DAB1: variants seen among roughly 807,000 people sequenced by gnomAD.
DAB1 encodes DAB adaptor protein 1.
In DAB1, 15 loss-of-function variants were observed where a neutral mutation model predicts 64.6. The observed-to-expected ratio is 0.23, with a 90% CI of 0.16 to 0.36. The LOEUF is 0.36. Ranked by LOEUF, DAB1 falls within the 10% of genes least tolerant of loss-of-function variation. The pLI is 1.00. For missense variants in DAB1, 596 were observed against 706.7 expected (o/e 0.84, Z 1.78); for synonymous variants, 235 against 251.9 (o/e 0.93, Z 0.64).
intron 3 of DAB1, among the ~76,000 whole-genome samples, chr1:58,495,414 TATAATA>T (rs903443511): frequency 3.0e-4 from 46 of 151,944 alleles, no homozygotes; most frequent in Non-Finnish European, 6.3e-4. Flanking sequence ...AAACTTAAAG[TATAATA>T]ATAATAATAA....
chr1:58,025,117 T>TCACACA (rs144729175), intron 5 of DAB1, among the ~76,000 whole-genome samples: 6 of 148,960 alleles, frequency 4.0e-5, no homozygotes, highest in Admixed American at 6.7e-5. Flanking sequence ...TTTCACACAC[T>TCACACA]CACACACACA....
At chr1:57,271,428 C>T (rs1670990616) in intron 2 of DAB1, among the ~76,000 whole-genome samples, 1 of 152,188 alleles carries the variant, frequency 6.6e-6, no homozygotes. Context: ...AAGTACTTCT[C>T]ATTGTGTGGT....
At chr1:57,966,485 C>T (rs1328291837) in intron 5 of DAB1, among the ~76,000 whole-genome samples, 2 of 152,172 alleles carry the variant, frequency 1.3e-5, no homozygotes, top group Non-Finnish European at 2.9e-5. Context: ...GTGAGTGAAA[C>T]TATCGTTGGA....
At chr1:57,300,453 G>A (rs1673551697) in intron 1 of DAB1, among the ~76,000 whole-genome samples, 1 of 152,178 alleles carries the variant, frequency 6.6e-6, no homozygotes, top group Non-Finnish European at 1.5e-5. Context: ...TCCAAGAAGA[G>A]GAGATCCTTG....
At chr1:58,245,999 C>T (rs972590200) in intron 4 of DAB1, among the ~76,000 whole-genome samples, 3 of 151,968 alleles carry the variant, frequency 2.0e-5, no homozygotes, top group Admixed American at 1.3e-4. Flanking sequence ...AGGAGCAATG[C>T]CAATGTTTAG....
At chr1:58,526,601 C>CAAAAAAAAA (rs10574530) in intron 2 of DAB1, among the ~76,000 whole-genome samples, 1 of 121,408 alleles carries the variant, frequency 8.2e-6, no homozygotes. Flanking sequence ...CTATGGCTAG[C>CAAAAAAAAA]AAAAAAAAAA....
intron 2 of DAB1, among the ~76,000 whole-genome samples, chr1:57,223,047 C>T (rs561300061): frequency 1.3e-5 from 2 of 152,296 alleles, no homozygotes; most frequent in Admixed American, 1.3e-4. Flanking sequence ...GCTGACACTT[C>T]TCCTGTCCTT....
intron 6 of DAB1, among the ~76,000 whole-genome samples, chr1:57,804,948 C>T (rs1026214479): frequency 1.2e-4 from 18 of 152,164 alleles, no homozygotes; most frequent in South Asian, 6.2e-4. Context: ...CACAGCCTCT[C>T]GGGTGGAGGA....
chr1:57,374,382 T>C (rs1570397518), intron 1 of DAB1, among the ~76,000 whole-genome samples: 1 of 152,350 alleles, frequency 6.6e-6, no homozygotes, highest in Admixed American at 6.5e-5. Context: ...TATTAATTTC[T>C]TTTAAACTTT....
At chr1:57,992,964 T>C (rs1570187382) in intron 5 of DAB1, among the ~76,000 whole-genome samples, 1 of 152,136 alleles carries the variant, frequency 6.6e-6, no homozygotes, top group South Asian at 2.1e-4. Flanking sequence ...TCTTCCTTCA[T>C]CACCAACTCC....
intron 5 of DAB1, among the ~76,000 whole-genome samples, chr1:57,983,716 G>C (rs1441131552): frequency 6.6e-6 from 1 of 152,194 alleles, no homozygotes; most frequent in Non-Finnish European, 1.5e-5. Flanking sequence ...ACAGGGACTT[G>C]AAAATAGAAT....
intron 5 of DAB1, among the ~76,000 whole-genome samples, chr1:57,914,748 TG>T (rs1644700709): frequency 6.6e-6 from 1 of 152,184 alleles, no homozygotes; most frequent in Admixed American, 6.5e-5. Flanking sequence ...ATAACAGAAA[TG>T]GGTGAATTTG....
At chr1:57,948,423 G>A (rs1407479891) in intron 5 of DAB1, among the ~76,000 whole-genome samples, 1 of 152,184 alleles carries the variant, frequency 6.6e-6, no homozygotes, top group Non-Finnish European at 1.5e-5. Context: ...AAAAATGCAA[G>A]AATTGGAAAT....
At chr1:58,301,242 G>A (rs1057148703) in intron 4 of DAB1, among the ~76,000 whole-genome samples, 6 of 141,688 alleles carry the variant, frequency 4.2e-5, no homozygotes, top group Non-Finnish European at 9.2e-5. Flanking sequence ...AGAGGGGGGG[G>A]TCATGAAATT....
intron 4 of DAB1, among the ~76,000 whole-genome samples, chr1:58,299,154 C>G (rs1303218587): frequency 6.6e-6 from 1 of 152,192 alleles, no homozygotes; most frequent in East Asian, 1.9e-4. Flanking sequence ...TAGCACCCAG[C>G]AGAGGGTCTG....
At chr1:58,470,660 GC>G (rs1205494887) in intron 3 of DAB1, among the ~76,000 whole-genome samples, 2 of 152,140 alleles carry the variant, frequency 1.3e-5, no homozygotes, top group African/African-American at 4.8e-5. Flanking sequence ...TATTGTTTGG[GC>G]CCATGCGGTT....
intron 5 of DAB1, among the ~76,000 whole-genome samples, chr1:58,059,885 C>T (rs1648380178): frequency 6.6e-6 from 1 of 152,192 alleles, no homozygotes; most frequent in African/African-American, 2.4e-5. Flanking sequence ...AGTCTGACTC[C>T]AGAGGCTACA....
At chr1:57,214,753 A>G (rs1474265270) in intron 2 of DAB1, among the ~76,000 whole-genome samples, 1 of 151,958 alleles carries the variant, frequency 6.6e-6, no homozygotes, top group Non-Finnish European at 1.5e-5. Context: ...TACTAAAAAT[A>G]CAAAAATATT....
intron 6 of DAB1, among the ~76,000 whole-genome samples, chr1:57,778,505 T>G (rs1649919275): frequency 6.6e-6 from 1 of 151,970 alleles, no homozygotes; most frequent in Non-Finnish European, 1.5e-5. Flanking sequence ...TGTCTTATAT[T>G]AGCTATTTCT....
Sources: gnomAD v4.1 joint callset for allele counts (sites outside exome capture counted in the v4.1 genomes callset) on GRCh38, gnomAD v4.1.1 for gene constraint, MANE v1.5 for transcripts, NCBI Gene and HGNC (gene_info 2026-07-23, HGNC 2026-07-21) for gene names.